Variants in ADGRB3 observed in about 807,000 individuals in gnomAD.
ADGRB3 encodes the protein adhesion G protein-coupled receptor B3.
In ADGRB3, 37 loss-of-function variants were observed where a neutral mutation model predicts 193.4. The ratio of observed to expected loss-of-function variants is 0.19; its 90% CI spans 0.15 to 0.25. The LOEUF is 0.25. Ranked by LOEUF, ADGRB3 falls within the 10% of genes least tolerant of loss-of-function variation. The probability of loss-of-function intolerance (pLI) is 1.00; values close to 1 mark genes in which losing one functional copy is unlikely to be tolerated. For missense variants in ADGRB3, 1,637 were observed against 1,852.9 expected (o/e 0.88, Z 2.14); for synonymous variants, 690 against 644.2 (o/e 1.07, Z -1.08).
chr6:69,277,656 A>G (rs796911664), intron 20 of ADGRB3, among the ~76,000 whole-genome samples: 10 of 152,260 alleles, frequency 6.6e-5, no homozygotes, highest in African/African-American at 2.4e-4. Context: ...CTATAGAGCT[A>G]ATGCTTCTCC....
intron 22 of ADGRB3, among the ~76,000 whole-genome samples, chr6:69,329,432 C>G (rs966289814): frequency 6.6e-6 from 1 of 152,008 alleles, no homozygotes; most frequent in Admixed American, 6.6e-5. Context: ...ATATAATTAC[C>G]TTACATACTA....
intron 3 of ADGRB3, among the ~76,000 whole-genome samples, chr6:68,694,703 G>A (rs1198633850): frequency 6.6e-6 from 1 of 151,916 alleles, no homozygotes; most frequent in Non-Finnish European, 1.5e-5. Context: ...GCCTACATTA[G>A]GAAAAGGAAA....
At chr6:69,182,735 A>G (rs1775622405) in intron 17 of ADGRB3, among the ~76,000 whole-genome samples, 1 of 152,068 alleles carries the variant, frequency 6.6e-6, no homozygotes, top group South Asian at 2.1e-4. Flanking sequence ...GTAAATGTTA[A>G]CAATAGACTC....
chr6:68,764,431 A>T (rs1766469756), intron 3 of ADGRB3, among the ~76,000 whole-genome samples: 1 of 152,180 alleles, frequency 6.6e-6, no homozygotes. Context: ...ATCAAAATCC[A>T]CTCAGCAAAA....
chr6:69,305,632 A>G (rs1218773162), intron 20 of ADGRB3, among the ~76,000 whole-genome samples: 1 of 150,148 alleles, frequency 6.7e-6, no homozygotes, highest in Non-Finnish European at 1.5e-5. Flanking sequence ...CAGTGAAAGC[A>G]AAGAGTCAAC....
chr6:68,975,581 G>A lies in ADGRB3; in HGVS notation c.1734+241G>A, dbSNP rs150270776. Among the ~76,000 whole-genome samples, 99 of 152,244 alleles carry A rather than the reference G, an allele frequency of 6.5e-4. 1 individual carries two copies. The Middle Eastern group carries it at 0.027, about 42-fold the overall frequency. Reference sequence around the variant, plus strand: ...AATGAAAGAACCCTTTGTCTAGTGGGGGAAAGGCCTGAGCAAAATCTGTTA... The same window carrying A: ...AATGAAAGAACCCTTTGTCTAGTGGAGGAAAGGCCTGAGCAAAATCTGTTA... On this transcript the variant is annotated intron_variant, in intron 10 of 31. Coordinates refer to ENST00000370598, the MANE Select transcript of ADGRB3 (RefSeq NM_001704.3).
At chr6:68,946,120 A>G (rs1398275922) in intron 6 of ADGRB3, among the ~76,000 whole-genome samples, 7 of 152,150 alleles carry the variant, frequency 4.6e-5, no homozygotes. Flanking sequence ...TAGTTGCATC[A>G]TAAAAGATGT....
At chr6:68,982,411 T>C (rs1768943350) in intron 10 of ADGRB3, among the ~76,000 whole-genome samples, 1 of 152,180 alleles carries the variant, frequency 6.6e-6, no homozygotes, top group African/African-American at 2.4e-5. Context: ...TTTTGCACTT[T>C]TAATAAGACT....
intron 13 of ADGRB3, among the ~76,000 whole-genome samples, chr6:69,027,796 C>T (rs1042670948): frequency 6.6e-6 from 1 of 152,092 alleles, no homozygotes; most frequent in South Asian, 2.1e-4. Context: ...TCTGAAAGAG[C>T]TTACCAGTAG....
chr6:68,844,959 C>T (rs1433673006), intron 3 of ADGRB3, among the ~76,000 whole-genome samples: 1 of 151,902 alleles, frequency 6.6e-6, no homozygotes, highest in African/African-American at 2.4e-5. Context: ...ATTATGGTTA[C>T]CAGAGTCTGG....
chr6:69,385,898 G>A (rs911901380), intron 31 of ADGRB3, among the ~76,000 whole-genome samples: 5 of 151,916 alleles, frequency 3.3e-5, no homozygotes, highest in African/African-American at 1.2e-4. Context: ...ACGATGAGTC[G>A]CTCCTGGGTA....
intron 17 of ADGRB3, among the ~76,000 whole-genome samples, chr6:69,191,617 T>G (rs1765189456): frequency 6.6e-6 from 1 of 152,150 alleles, no homozygotes; most frequent in African/African-American, 2.4e-5. Context: ...GACAAAGCTT[T>G]GGGGATTACA....
intron 17 of ADGRB3, among the ~76,000 whole-genome samples, chr6:69,088,940 G>T (rs1048917864): frequency 6.6e-6 from 1 of 152,186 alleles, no homozygotes; most frequent in Non-Finnish European, 1.5e-5. Flanking sequence ...AATTTGTTCT[G>T]CTAAATGGTA....
intron 20 of ADGRB3, among the ~76,000 whole-genome samples, chr6:69,293,367 C>T (rs1041480186): frequency 6.6e-6 from 1 of 152,102 alleles, no homozygotes; most frequent in African/African-American, 2.4e-5. Context: ...CCTTAGTCCT[C>T]TCTAAACACC....
chr6:68,672,946 T>A (rs1025108598), intron 3 of ADGRB3, among the ~76,000 whole-genome samples: 2 of 152,096 alleles, frequency 1.3e-5, no homozygotes, highest in Admixed American at 6.6e-5. Context: ...TCCCTGCATC[T>A]TCAGACCACA....
At position 68,777,173 on chromosome 6, in the gene ADGRB3, G is replaced by A. The variant is rs73459210; in HGVS notation, c.757+137741G>A. On this transcript the variant is annotated intron_variant, in intron 3 of 31. Transcript: ENST00000370598. The stretch of plus-strand genomic sequence containing the variant: ...CTGTGTGCAAGGAATATAGAACCCC[G>A]CACTGTAATAGCATGTAAGTGTGTG... Among the ~76,000 whole-genome samples, 1,381 of 152,140 alleles carry A rather than the reference G, an allele frequency of 9.1e-3. 21 individuals are homozygous for A. Among genetic ancestry groups the A allele is most frequent in the African/African-American group, 0.029 (1,208 of 41,520 alleles).
At chr6:69,169,563 A>T (rs894258356) in intron 17 of ADGRB3, among the ~76,000 whole-genome samples, 1 of 150,258 alleles carries the variant, frequency 6.7e-6, no homozygotes, top group East Asian at 1.9e-4. Flanking sequence ...TTGTGATTAA[A>T]TTATCATTTA....
intron 3 of ADGRB3, among the ~76,000 whole-genome samples, chr6:68,740,575 T>A (rs781422729): frequency 3.9e-5 from 6 of 152,180 alleles, no homozygotes; most frequent in Non-Finnish European, 7.3e-5. Flanking sequence ...AAAATTCCAA[T>A]TTGGCTACTA....
intron 20 of ADGRB3, among the ~76,000 whole-genome samples, chr6:69,291,817 A>G (rs1202753665): frequency 6.6e-6 from 1 of 152,160 alleles, no homozygotes; most frequent in Non-Finnish European, 1.5e-5. Context: ...TGCAGGAAGG[A>G]CTTGCTAACC....
Sources: allele counts gnomAD v4.1 joint callset (sites outside exome capture counted in the v4.1 genomes callset), GRCh38; gene constraint gnomAD v4.1.1; transcripts MANE v1.5; gene names NCBI Gene and HGNC (gene_info 2026-07-23, HGNC 2026-07-21).